SLC22A3: variants seen among roughly 807,000 people sequenced by gnomAD.
SLC22A3 encodes solute carrier family 22 member 3.
A neutral mutation model predicts 59.1 loss-of-function variants in SLC22A3; 51 were observed. The ratio of observed to expected loss-of-function variants is 0.86; its 90% confidence interval spans 0.69 to 1.09. The LOEUF (loss-of-function observed/expected upper bound fraction) is 1.09. Among genes scored for constraint, SLC22A3 ranks in the 50% least tolerant of loss-of-function variants. The pLI is 0.00. For missense variants in SLC22A3, 711 were observed against 726.3 expected, an observed-to-expected ratio of 0.98 and a Z score of 0.24; for synonymous variants, 325 against 292.0, an observed-to-expected ratio of 1.11 and a Z score of -1.15.
rs764293958 is a variant in SLC22A3 at position 160,443,758 on chromosome 6, C to T, written c.1510+16C>T. On this transcript the variant is annotated intron_variant, in intron 9 of 10. Coordinates refer to ENST00000275300, the MANE Select transcript of SLC22A3 (RefSeq NM_021977.4). ...ATCATCTTTGGTAAGAACTCATTTG[C>T]TATTCTTAAGAGCCTTCATCTACAT... 20 of 1,524,566 alleles carry T rather than the reference C, an allele frequency of 1.3e-5. No individual in the cohort carries two copies. The highest frequency in any genetic ancestry group is 1.8e-5 in the Non-Finnish European group (20 of 1,108,572). The allele number at this position is 1,524,566 out of a possible 1,614,324, so 94.4% of individuals were successfully genotyped here. A position where few individuals can be genotyped will look rare whatever the true frequency, so the allele number is the denominator to read the frequency against.
At chr6:160,389,822 T>C (rs1786178042) in intron 1 of SLC22A3, among the ~76,000 whole-genome samples, 1 of 152,232 alleles carries the variant, frequency 6.6e-6, no homozygotes, top group Admixed American at 6.5e-5. Flanking sequence ...CAGCAGGACC[T>C]GCTGGTTGGG....
intron 5 of SLC22A3, among the ~76,000 whole-genome samples, chr6:160,433,169 T>A (rs1788215038): frequency 6.6e-6 from 1 of 152,230 alleles, no homozygotes; most frequent in African/African-American, 2.4e-5. Flanking sequence ...TATAGCCCTT[T>A]GCAGAAAACG....
At chr6:160,366,941 T>A (rs867555813) in intron 1 of SLC22A3, among the ~76,000 whole-genome samples, 1 of 152,214 alleles carries the variant, frequency 6.6e-6, no homozygotes, top group Non-Finnish European at 1.5e-5. Flanking sequence ...AGTTCCAAAC[T>A]TTTCCACATT....
intron 1 of SLC22A3, among the ~76,000 whole-genome samples, chr6:160,378,965 A>G (rs142923478): frequency 3.3e-5 from 5 of 152,346 alleles, no homozygotes; most frequent in Non-Finnish European, 7.3e-5. Flanking sequence ...TACTAAGTGC[A>G]TATCACTTTC....
intron 2 of SLC22A3, among the ~76,000 whole-genome samples, chr6:160,405,257 ATAGCTCAC>A (rs1786965335): frequency 6.6e-6 from 1 of 152,136 alleles, no homozygotes; most frequent in Non-Finnish European, 1.5e-5. Context: ...ATCTTAACAG[ATAGCTCAC>A]CAAAGAGAGT....
rs575069575 is a variant in SLC22A3, at chr6:160,448,451, TGATA to T, written c.1610+642_1610+645del. 2.0e-3 allele frequency among the ~76,000 whole-genome samples: 298 copies of T among 151,988 alleles called. 1 individual carries two copies. The highest frequency in any genetic ancestry group is 3.4e-3 in the Middle Eastern group (1 of 294). Reference sequence around the variant, plus strand: ...TAAATGATAAATAATAGATGATAGATGATAGATAGATACAGATAGATAAATAGAC... The same window carrying T: ...TAAATGATAAATAATAGATGATAGATGATAGATACAGATAGATAAATAGAC... On this transcript the variant is annotated intron_variant, in intron 10 of 10. Transcript: ENST00000275300.
chr6:160,391,772 T>C (rs1168346363), intron 1 of SLC22A3, among the ~76,000 whole-genome samples: 1 of 152,216 alleles, frequency 6.6e-6, no homozygotes, highest in Non-Finnish European at 1.5e-5. Context: ...TGACGTATCA[T>C]ATGTATCTTG....
At chr6:160,438,859 A>T (rs1388338404) in intron 7 of SLC22A3, among the ~76,000 whole-genome samples, 1 of 152,064 alleles carries the variant, frequency 6.6e-6, no homozygotes, top group African/African-American at 2.4e-5. Flanking sequence ...GGGTCTCTTC[A>T]TGCCTCTCTC....
chr6:160,426,042 T>A, intron 5 of SLC22A3: 1 of 985,468 alleles, frequency 1.0e-6, no homozygotes, highest in Non-Finnish European at 1.2e-6. Context: ...AGTTACCATG[T>A]GCAGAAAATA....
intron 9 of SLC22A3, among the ~76,000 whole-genome samples, chr6:160,446,421 C>T (rs1248822952): frequency 6.6e-6 from 1 of 152,212 alleles, no homozygotes; most frequent in Non-Finnish European, 1.5e-5. Flanking sequence ...CTCACAGTTT[C>T]ACATGACTGG....
intron 2 of SLC22A3, among the ~76,000 whole-genome samples, chr6:160,403,116 A>C (rs929126276): frequency 2.0e-5 from 3 of 151,620 alleles, no homozygotes; most frequent in Admixed American, 2.0e-4. Flanking sequence ...AAACGATCAA[A>C]AAAAATCAAT....
chr6:160,394,030 C>T (rs557714938), intron 1 of SLC22A3, among the ~76,000 whole-genome samples: 3 of 152,276 alleles, frequency 2.0e-5, no homozygotes, highest in South Asian at 4.1e-4. Context: ...TGCCAAAAGG[C>T]GTCATTTTCT....
At chr6:160,397,303 G>C (rs574224593) in intron 1 of SLC22A3, among the ~76,000 whole-genome samples, 2 of 152,184 alleles carry the variant, frequency 1.3e-5, no homozygotes, top group South Asian at 4.2e-4. Flanking sequence ...GAGCTGACAG[G>C]AGGCAGAGCT....
intron 5 of SLC22A3, among the ~76,000 whole-genome samples, chr6:160,421,674 G>C (rs1425242948): frequency 1.3e-5 from 2 of 152,238 alleles, no homozygotes; most frequent in Middle Eastern, 3.4e-3. Flanking sequence ...CATTAATATT[G>C]GTTGTTCTCT....
intron 1 of SLC22A3, among the ~76,000 whole-genome samples, chr6:160,383,828 T>C (rs1395739786): frequency 1.3e-5 from 2 of 152,192 alleles, no homozygotes; most frequent in African/African-American, 2.4e-5. Context: ...ACCAATACAG[T>C]ATAACAACTA....
chr6:160,448,452 G>A (rs1411878524), intron 10 of SLC22A3, among the ~76,000 whole-genome samples: 1 of 151,402 alleles, frequency 6.6e-6, no homozygotes, highest in East Asian at 1.9e-4. Flanking sequence ...GATGATAGAT[G>A]ATAGATAGAT....
intron 8 of SLC22A3, 105 bp downstream of exon 8, chr6:160,442,974 T>G (rs937314176): frequency 3.2e-5 from 28 of 863,452 alleles, no homozygotes; most frequent in Non-Finnish European, 4.8e-5. Context: ...CTCAGTGATA[T>G]ATTAGCCTAG....
chr6:160,379,983 A>G (rs1187492819), intron 1 of SLC22A3, among the ~76,000 whole-genome samples: 1 of 152,188 alleles, frequency 6.6e-6, no homozygotes, highest in African/African-American at 2.4e-5. Context: ...TGTAATCACT[A>G]TAATTAAACT....
At chr6:160,353,858 G>C (rs760457473) in intron 1 of SLC22A3, among the ~76,000 whole-genome samples, 1 of 151,948 alleles carries the variant, frequency 6.6e-6, no homozygotes, top group Non-Finnish European at 1.5e-5. Flanking sequence ...GACTGGGAGA[G>C]AATTGCCAGT....
Sources: allele counts gnomAD v4.1 joint callset (sites outside exome capture counted in the v4.1 genomes callset), GRCh38; gene constraint gnomAD v4.1.1; transcripts MANE v1.5; gene names NCBI Gene and HGNC (gene_info 2026-07-23, HGNC 2026-07-21).